Variants in TDRD3 observed in about 807,000 individuals in gnomAD.
TDRD3 encodes the protein tudor domain-containing protein 3.
Under a neutral mutation model 86.7 loss-of-function variants are expected in TDRD3, and 45 were observed. The observed-to-expected ratio is 0.52, with a 90% CI of 0.41 to 0.67. The LOEUF is 0.67. Among genes scored for constraint, TDRD3 ranks in the 30% least tolerant of loss-of-function variants. The pLI is 0.00. For synonymous variants in TDRD3, 298 were observed against 301.7 expected, an observed-to-expected ratio of 0.99 and a Z score of 0.13; for missense variants, 814 against 889.0, an observed-to-expected ratio of 0.92 and a Z score of 1.07.
chr13:60,512,880 C>G (rs1313194104), intron 10 of TDRD3, among the ~76,000 whole-genome samples: 2 of 152,134 alleles, frequency 1.3e-5, no homozygotes, highest in Non-Finnish European at 2.9e-5. Flanking sequence ...GTTGGTGGAT[C>G]TACCATTCTA....
At chr13:60,428,206 T>A (rs1954858799) in intron 1 of TDRD3, among the ~76,000 whole-genome samples, 1 of 150,668 alleles carries the variant, frequency 6.6e-6, no homozygotes. Context: ...ACACTTGTCA[T>A]TGGATTTAGG....
At chr13:60,516,224 T>C (rs572803351) in intron 10 of TDRD3, among the ~76,000 whole-genome samples, 1 of 152,214 alleles carries the variant, frequency 6.6e-6, no homozygotes, top group Non-Finnish European at 1.5e-5. Flanking sequence ...CCTCTAGAAG[T>C]CAGAATTTAG....
intron 5 of TDRD3, among the ~76,000 whole-genome samples, chr13:60,468,725 C>G (rs1257619752): frequency 6.6e-6 from 1 of 152,074 alleles, no homozygotes; most frequent in Admixed American, 6.6e-5. Context: ...TTCTGTTATA[C>G]CAGAGTAGCC....
At chr13:60,504,229 CTGT>C (rs1430132836) in intron 8 of TDRD3, among the ~76,000 whole-genome samples, 1 of 152,186 alleles carries the variant, frequency 6.6e-6, no homozygotes, top group Non-Finnish European at 1.5e-5. Flanking sequence ...AAAAAAGTTA[CTGT>C]TTTTATACAC....
intron 5 of TDRD3, among the ~76,000 whole-genome samples, chr13:60,481,570 T>G (rs571386224): frequency 5.1e-4 from 77 of 152,184 alleles, no homozygotes; most frequent in African/African-American, 1.8e-3. Context: ...TGTTGGTGGT[T>G]TTTTTCTTTT....
intron 8 of TDRD3, among the ~76,000 whole-genome samples, chr13:60,509,004 C>T (rs950679189): frequency 2.6e-5 from 4 of 152,100 alleles, no homozygotes; most frequent in African/African-American, 9.7e-5. Context: ...TATATATGCT[C>T]AAAGGTCTGA....
intron 5 of TDRD3, among the ~76,000 whole-genome samples, chr13:60,471,588 A>G (rs1313829388): frequency 1.3e-5 from 2 of 152,044 alleles, no homozygotes; most frequent in African/African-American, 4.8e-5. Context: ...TGTTGACTCT[A>G]TTGACCACTC....
intron 12 of TDRD3, among the ~76,000 whole-genome samples, chr13:60,549,015 A>G (rs138104177): frequency 6.6e-6 from 1 of 152,158 alleles, no homozygotes; most frequent in African/African-American, 2.4e-5. Context: ...ATTGTCATTC[A>G]TCTGCTGGAT....
At chr13:60,433,217 G>T (rs1954998176) in intron 1 of TDRD3, among the ~76,000 whole-genome samples, 1 of 152,180 alleles carries the variant, frequency 6.6e-6, no homozygotes, top group Non-Finnish European at 1.5e-5. Context: ...TTATTTCAAT[G>T]GGTGGCAGTG....
At chr13:60,525,526 T>A (rs17058200) in intron 10 of TDRD3, among the ~76,000 whole-genome samples, 20,923 of 152,098 alleles carry the variant, frequency 0.14, 1,521 homozygotes, top group East Asian at 0.2. Flanking sequence ...ACTCTCACTA[T>A]ATTATCTCAG....
chr13:60,405,380 A>G (rs1325498773), intron 1 of TDRD3, among the ~76,000 whole-genome samples: 1 of 152,238 alleles, frequency 6.6e-6, no homozygotes, highest in African/African-American at 2.4e-5. Context: ...TACTGCATCT[A>G]TAAAGAATAC....
intron 12 of TDRD3, among the ~76,000 whole-genome samples, chr13:60,557,794 TG>T (rs1302926858): frequency 6.6e-6 from 1 of 150,964 alleles, no homozygotes; most frequent in African/African-American, 2.4e-5. Flanking sequence ...TTTAGCAATT[TG>T]GCATAAAGGA....
chr13:60,467,894 C>T (rs1028141466), intron 5 of TDRD3, among the ~76,000 whole-genome samples: 2 of 152,122 alleles, frequency 1.3e-5, no homozygotes, highest in Non-Finnish European at 2.9e-5. Flanking sequence ...TGTTCCTCTA[C>T]TTTGCTTCCA....
chr13:60,545,652 AT>A (rs1957922483), intron 12 of TDRD3, among the ~76,000 whole-genome samples: 1 of 152,038 alleles, frequency 6.6e-6, no homozygotes, highest in South Asian at 2.1e-4. Context: ...ACACGAATGT[AT>A]TTTTTTCTCA....
intron 7 of TDRD3, among the ~76,000 whole-genome samples, chr13:60,489,161 CTT>C (rs1351220235): frequency 6.6e-6 from 1 of 152,104 alleles, no homozygotes; most frequent in African/African-American, 2.4e-5. Context: ...ACCCCTCTCT[CTT>C]ATATTATTGA....
At chr13:60,497,017 A>G (rs187233539) in intron 8 of TDRD3, among the ~76,000 whole-genome samples, 91 of 152,312 alleles carry the variant, frequency 6.0e-4, no homozygotes, top group African/African-American at 2.0e-3. Context: ...GTTCAGCTCA[A>G]TTAGGACGAA....
intron 3 of TDRD3, among the ~76,000 whole-genome samples, chr13:60,452,413 T>C (rs1566201792): frequency 6.6e-6 from 1 of 152,122 alleles, no homozygotes; most frequent in Non-Finnish European, 1.5e-5. Flanking sequence ...ATATATTCTA[T>C]TCTTCTTCTT....
At chr13:60,508,148 G>A (rs1380242152) in intron 8 of TDRD3, among the ~76,000 whole-genome samples, 3 of 152,186 alleles carry the variant, frequency 2.0e-5, no homozygotes, top group Non-Finnish European at 4.4e-5. Flanking sequence ...AATATTCCAT[G>A]CTCACGGATA....
chr13:60,453,373 G>A (rs1037947973), intron 3 of TDRD3, among the ~76,000 whole-genome samples: 4 of 152,170 alleles, frequency 2.6e-5, no homozygotes, highest in African/African-American at 9.7e-5. Flanking sequence ...GTTCTACTTA[G>A]ATAAATCTGG....
Sources: allele counts gnomAD v4.1 joint callset (sites outside exome capture counted in the v4.1 genomes callset), GRCh38; gene constraint gnomAD v4.1.1; transcripts MANE v1.5; gene names NCBI Gene and HGNC (gene_info 2026-07-23, HGNC 2026-07-21).